PPP2R1B: variants seen among roughly 807,000 people sequenced by gnomAD.
PPP2R1B encodes the protein protein phosphatase 2 scaffold subunit Abeta, also known as serine/threonine-protein phosphatase 2A 65 kDa regulatory subunit A beta isoform.
PPP2R1B carries 58 observed loss-of-function variants against 72.7 expected under a neutral mutation model. That is an observed-to-expected ratio of 0.80 (90% CI 0.65 to 0.99). The LOEUF is 0.99. Ranked by LOEUF, PPP2R1B falls within the 50% of genes least tolerant of loss-of-function variation. The pLI is 0.00. For synonymous variants in PPP2R1B, 256 were observed against 264.6 expected (o/e 0.97, Z 0.32); for missense variants, 695 against 733.6 (o/e 0.95, Z 0.61).
Position 111,738,652 on chromosome 11 carries a change from G to C in PPP2R1B, c.*2944C>G. 1.0e-6 allele frequency: 1 copy of C among 985,420 alleles called. No homozygotes were observed. The highest frequency in any genetic ancestry group is 1.2e-6 in the Non-Finnish European group (1 of 829,948). 61.0% of individuals were successfully genotyped at this position (985,420 alleles called of 1,614,324 possible). On this transcript the variant is annotated 3_prime_UTR_variant, in exon 15 of 15. Transcript: ENST00000527614. ...GAGCTGTGGTATTTCTGTGAGCTGA[G>C]GGCAGCCCGTTATTTCAACAAGACC...
chr11:111,722,018 G>C (rs1252536936), downstream of PPP2R1B: 7 of 1,159,640 alleles, frequency 6.0e-6, no homozygotes, highest in Non-Finnish European at 8.3e-6. This position sits in a 1 kb window ranked among gnomAD's most constrained non-coding sequence, Gnocchi z 4.4. Context: ...AACGTGTTTT[G>C]CCTGGCATTT....
chr11:111,715,864 C>T, the PPP2R1B span, among the ~76,000 whole-genome samples: 5 of 130,288 alleles, frequency 3.8e-5, no homozygotes, highest in South Asian at 2.6e-4. Context: ...TGCAGTGACA[C>T]GATCTCAGCT....
intron 1 of PPP2R1B, chr11:111,765,967 G>A (rs538498408): frequency 8.9e-6 from 5 of 564,272 alleles, no homozygotes; most frequent in Non-Finnish European, 1.7e-5. Flanking sequence ...CGGATGGGGC[G>A]CCCAGGCGGG....
At chr11:111,737,390 A>C, downstream of PPP2R1B, 1 of 1,612,530 alleles carries the variant, frequency 6.2e-7, no homozygotes, top group Non-Finnish European at 8.5e-7. Flanking sequence ...ACACCATGCC[A>C]CCCTGGCTGC....
At chr11:111,754,849 T>C in intron 7 of PPP2R1B, 131 bp downstream of exon 7, 1 of 892,582 alleles carries the variant, frequency 1.1e-6, no homozygotes, top group Non-Finnish European at 1.7e-6. Context: ...CAATGTAACA[T>C]TTCCACACAC....
chr11:111,704,866 C>G, the PPP2R1B span: 1 of 1,185,344 alleles, frequency 8.4e-7, no homozygotes, highest in African/African-American at 1.6e-5. Context: ...TCTTGAGACA[C>G]TTTGTTTTTC....
chr11:111,760,973 G>A lies in PPP2R1B; in HGVS notation c.385C>T (p.Gln129Ter), dbSNP rs782195820. 2 of 1,614,204 alleles carry A rather than the reference G, an allele frequency of 1.2e-6. No individual in the cohort carries two copies. Among genetic ancestry groups the A allele is most frequent in the East Asian group, 2.2e-5 (1 of 44,882 alleles). ...KAVESLRQISQEHTPVALEAY... is the reference protein window; with the variant it reads ...KAVESLRQIS The stretch of plus-strand genomic sequence containing the variant: ...TCCAGAGCAACAGGAGTATGCTCCT[G>A]GGAGATCTGTCTCAGGGACTCCACA... Residue 129 changes from glutamine (Q) to a stop codon, truncating the protein, a stop_gained, in exon 4 of 15, where the codon CAG becomes TAG. Transcript: ENST00000527614. LOFTEE classifies it high-confidence loss of function.
chr11:111,726,872 G>T, downstream of PPP2R1B: 1 of 1,134,220 alleles, frequency 8.8e-7, no homozygotes, highest in Non-Finnish European at 1.3e-6. Context: ...AAGAGACTTT[G>T]GTGAGATGAA....
intron 3 of PPP2R1B, 89 bp from the exon 4 acceptor site, chr11:111,761,140 G>A (rs1945310569): frequency 9.3e-7 from 1 of 1,074,590 alleles, no homozygotes; most frequent in Non-Finnish European, 1.4e-6. Context: ...ACTGAAGGGA[G>A]GTGGTACACG....
chr11:111,691,364 C>T, the PPP2R1B span, among the ~76,000 whole-genome samples: 2 of 152,226 alleles, frequency 1.3e-5, no homozygotes, highest in African/African-American at 2.4e-5. Flanking sequence ...CTGCTAGATA[C>T]TTACTTCATC....
At position 111,766,338 on chromosome 11, in the gene PPP2R1B, C is replaced by G. The variant is rs1334691668; in HGVS notation, c.24G>C (p.Gly8=). ...CTCCACCCGCTGCTCCTGGGCCGGT[C>G]CCGAGCTCTGATGCGCCCGCCATGT... MAGASEL[G]TGPGAAGGDG... The change falls in exon 1 of 15, where the codon GGG becomes GGC. Residue 8 remains glycine, a synonymous_variant. Transcript: ENST00000527614. The G allele has an allele frequency of 6.2e-7, 1 of 1,606,828 alleles. No individual in the cohort carries two copies. The highest frequency in any genetic ancestry group is 1.1e-5 in the South Asian group (1 of 91,054).
intron 10 of PPP2R1B, among the ~76,000 whole-genome samples, chr11:111,748,850 T>C (rs1555047073): frequency 6.6e-6 from 1 of 152,010 alleles, no homozygotes; most frequent in Non-Finnish European, 1.5e-5. Context: ...TAAGACAAAA[T>C]AGCTTTTTTT....
At chr11:111,717,872 G>A in the PPP2R1B span, among the ~76,000 whole-genome samples, 23 of 152,182 alleles carry the variant, frequency 1.5e-4, no homozygotes, top group East Asian at 9.6e-4. Flanking sequence ...ATAAGTAGGA[G>A]TTGAATGGAC....
At chr11:111,704,584 G>T in the PPP2R1B span, among the ~76,000 whole-genome samples, 1 of 152,202 alleles carries the variant, frequency 6.6e-6, no homozygotes, top group Non-Finnish European at 1.5e-5. Flanking sequence ...CAGTGGTTCA[G>T]ATTTGTGTTG....
At chr11:111,743,987 A>T (rs1257746106) in intron 11 of PPP2R1B, among the ~76,000 whole-genome samples, 1 of 152,216 alleles carries the variant, frequency 6.6e-6, no homozygotes, top group Non-Finnish European at 1.5e-5. Context: ...CGGCACAGAA[A>T]GAAGCCTTGA....
chr11:111,728,139 C>T (rs1226104837), intron 15 of PPP2R1B: 3 of 152,110 alleles, frequency 2.0e-5, no homozygotes, highest in Non-Finnish European at 2.9e-5. Context: ...AACTGGGCTG[C>T]CTCTAACTGC....
At position 111,755,042 on chromosome 11, in the gene PPP2R1B, A is replaced by C. The variant is rs1405859890; in HGVS notation, c.896T>G (p.Phe299Cys). ...TTCACAGTCTTTAAGTAGGTTCTGA[A>C]AGGCGGGGATGAGGTCATTTAGGGT... ...KITLNDLIPAFQNLLKDCEAE... is the reference protein window; with the variant it reads ...KITLNDLIPACQNLLKDCEAE... Residue 299 changes from phenylalanine to cysteine, a missense_variant, in exon 7 of 15, where the codon TTT becomes TGT. Physicochemically the swap from Phe to Cys is radical, Grantham distance 205. Coordinates refer to ENST00000527614, the MANE Select transcript of PPP2R1B (RefSeq NM_002716.5). 1 of 1,613,980 alleles carries C rather than the reference A, an allele frequency of 6.2e-7. No homozygotes were observed. The highest frequency in any genetic ancestry group is 8.5e-7 in the Non-Finnish European group (1 of 1,179,984).
downstream of PPP2R1B, among the ~76,000 whole-genome samples, chr11:111,733,158 G>A (rs1362219787): frequency 3.3e-5 from 5 of 152,276 alleles, no homozygotes; most frequent in South Asian, 2.1e-4. Flanking sequence ...CAGGCGCCTC[G>A]GCCACTGTTC....
the PPP2R1B span, among the ~76,000 whole-genome samples, chr11:111,714,538 T>G: frequency 6.6e-6 from 1 of 151,520 alleles, no homozygotes; most frequent in Admixed American, 6.6e-5. Context: ...AGGAGGGAGG[T>G]GATGAGGCCT....
Sources: gnomAD v4.1 joint callset for allele counts (sites outside exome capture counted in the v4.1 genomes callset) on GRCh38, gnomAD v4.1.1 for gene constraint, Gnocchi (gnomAD v3.1) non-coding constraint, MANE v1.5 for transcripts, NCBI Gene and HGNC (gene_info 2026-07-23, HGNC 2026-07-21) for gene names.